Variants in MSH5 observed in about 807,000 individuals in gnomAD.
MSH5 encodes the protein mutS protein homolog 5.
A neutral mutation model predicts 107.7 loss-of-function variants in MSH5; 78 were observed. The ratio of observed to expected loss-of-function variants is 0.72; its 90% confidence interval spans 0.60 to 0.87. MSH5 has a LOEUF of 0.87. Ranked by LOEUF, MSH5 falls within the 40% of genes least tolerant of loss-of-function variation. The pLI is 0.00. For missense variants in MSH5, 889 were observed against 1,046.6 expected (o/e 0.85, Z 2.08); for synonymous variants, 326 against 399.5 (o/e 0.82, Z 2.19).
At chr6:31,745,361 C>A in intron 9 of MSH5, 42 bp downstream of exon 9, 2 of 1,402,308 alleles carry the variant, frequency 1.4e-6, no homozygotes, top group Non-Finnish European at 2.0e-6. Flanking sequence ...CAAAGACCTA[C>A]CAGAAAAGCA....
intron 9 of MSH5, among the ~76,000 whole-genome samples, chr6:31,745,765 G>GTTT (rs9279404): frequency 5.8e-5 from 7 of 120,974 alleles, no homozygotes; most frequent in Admixed American, 2.7e-4. Flanking sequence ...TTGTGTCCAG[G>GTTT]TTTTTTTTTT....
In MSH5 at chr6:31,758,677, T is replaced by C; in HGVS notation, c.1216+57T>C. 2 of 1,608,908 alleles carry C rather than the reference T, an allele frequency of 1.2e-6. No homozygotes were observed. The highest frequency in any genetic ancestry group is 1.7e-6 in the Non-Finnish European group (2 of 1,175,392). On this transcript the variant is annotated intron_variant, in intron 14 of 24. Coordinates refer to ENST00000375750, the MANE Select transcript of MSH5 (RefSeq NM_172166.4). The surrounding 1 kb of genome is among the most constrained non-coding windows in gnomAD (Gnocchi z 5.1). ...CCTGCGCAGTGATGGAGTACCATCC[T>C]TGGCAGGTGGTCACCACAGCTGGGG...
chr6:31,741,347 AC>A, intron 3 of MSH5, 61 bp downstream of exon 3: 1 of 662,070 alleles, frequency 1.5e-6, no homozygotes. Context: ...ACACACACAC[AC>A]ACACACACAC....
rs1192960691 is a variant in MSH5 at position 31,759,036 on chromosome 6, G to A, written c.1327-61G>A. ...GATCTTTTAAGCTCCCTCTAGGGTG[G>A]GGAGGTGTCCAGTAAGTCTCCAAGC... On this transcript the variant is annotated intron_variant, in intron 15 of 24. Coordinates refer to ENST00000375750, the MANE Select transcript of MSH5 (RefSeq NM_172166.4). This position sits in a 1 kb window ranked among gnomAD's most constrained non-coding sequence, Gnocchi z 4.7. 1.3e-6 allele frequency: 2 copies of A among 1,509,272 alleles called. No homozygotes were observed. The highest frequency in any genetic ancestry group is 9.2e-7 in the Non-Finnish European group (1 of 1,086,400). The allele number at this position is 1,509,272 out of a possible 1,614,324, so 93.5% of individuals were successfully genotyped here. A position where few individuals can be genotyped will look rare whatever the true frequency, so the allele number is the denominator to read the frequency against.
At position 31,759,073 on chromosome 6, in the gene MSH5, G is replaced by T. The variant is rs17207524; in HGVS notation, c.1327-24G>T. On this transcript the variant is annotated intron_variant, in intron 15 of 24. Transcript: ENST00000375750. This position sits in a 1 kb window ranked among gnomAD's most constrained non-coding sequence, Gnocchi z 4.7. The stretch of plus-strand genomic sequence containing the variant: ...GTAAGTCTCCAAGCAGGAGAGTAGA[G>T]TATCTCCTCTTTACTCTCCCCAGAT... 0.055 allele frequency: 87,992 copies of T among 1,597,818 alleles called. 2,952 individuals carry two copies. Among genetic ancestry groups the T allele is most frequent in the African/African-American group, 0.12 (8,856 of 74,658 alleles).
Position 31,759,079 on chromosome 6 carries a change from C to T in MSH5, c.1327-18C>T, listed in dbSNP as rs552998972. ...CTCCAAGCAGGAGAGTAGAGTATCTCCTCTTTACTCTCCCCAGATTGGCTT... is the reference window on the plus strand; with the variant it reads ...CTCCAAGCAGGAGAGTAGAGTATCTTCTCTTTACTCTCCCCAGATTGGCTT... On this transcript the variant is annotated intron_variant, in intron 15 of 24. Coordinates refer to ENST00000375750, the MANE Select transcript of MSH5 (RefSeq NM_172166.4). This position sits in a 1 kb window ranked among gnomAD's most constrained non-coding sequence, Gnocchi z 4.7. 2.9e-5 allele frequency: 47 copies of T among 1,598,430 alleles called. 2 individuals carry two copies. In the South Asian group the frequency reaches 4.8e-4, roughly 16 times the overall value.
Position 31,740,708 on chromosome 6 carries a change from C to G in MSH5, c.147+95C>G, listed in dbSNP as rs1808784218. 1 of 1,347,450 alleles carries G rather than the reference C, an allele frequency of 7.4e-7. No homozygotes were observed. Among genetic ancestry groups the G allele is most frequent in the South Asian group, 1.6e-5 (1 of 62,364 alleles). The allele number at this position is 1,347,450 out of a possible 1,614,324, so 83.5% of individuals were successfully genotyped here. A position where few individuals can be genotyped will look rare whatever the true frequency, so the allele number is the denominator to read the frequency against. ...GGGCGCGGTGGCTCACACCTGTAAT[C>G]TTAGCACTTTGGGAGACTGAGGCGG... On this transcript the variant is annotated intron_variant, in intron 2 of 24. Transcript: ENST00000375750. The surrounding 1 kb of genome is among the most constrained non-coding windows in gnomAD (Gnocchi z 4.4).
rs28381349 is a variant in MSH5, at chr6:31,741,268, C to T, written c.253C>T (p.Leu85Phe). The T allele has an allele frequency of 0.02, 32,278 of 1,612,082 alleles. 690 individuals are homozygous for T. Among genetic ancestry groups the T allele is most frequent in the African/African-American group, 0.068 (5,091 of 74,830 alleles). ...GCCAGATGCCCCAGACCACGAGAGC[C>T]TCAAGCTTCTCCAGAGAGGTGGGGA... ...FMPDAPDHES[L>F]KLLQRVLDEI... is the part of the protein sequence containing the mutation. The change falls in exon 3 of 25, where the codon CTC becomes TTC. Residue 85 changes from leucine (L) to phenylalanine (F), a missense_variant. Coordinates refer to ENST00000375750, the MANE Select transcript of MSH5 (RefSeq NM_172166.4).
intron 10 of MSH5, among the ~76,000 whole-genome samples, chr6:31,748,272 G>T (rs1161067591): frequency 6.6e-6 from 1 of 150,756 alleles, no homozygotes; most frequent in African/African-American, 2.4e-5. Context: ...ACCTTCTCAA[G>T]CCATGAACCT....
intron 12 of MSH5, 85 bp downstream of exon 12, chr6:31,753,714 T>G: frequency 2.4e-6 from 3 of 1,254,012 alleles, no homozygotes; most frequent in Non-Finnish European, 1.2e-6. Flanking sequence ...AGACATGCTG[T>G]CCAATTTTAT....
At chr6:31,750,786 A>G (rs901544055) in intron 10 of MSH5, among the ~76,000 whole-genome samples, 42 of 152,198 alleles carry the variant, frequency 2.8e-4, no homozygotes, top group African/African-American at 9.6e-4. Context: ...AACTGGCCAC[A>G]GACTGCAATG....
intron 9 of MSH5, among the ~76,000 whole-genome samples, chr6:31,747,158 C>T (rs1442104958): frequency 6.6e-6 from 1 of 152,176 alleles, no homozygotes; most frequent in Non-Finnish European, 1.5e-5. Context: ...GTGTATTTTT[C>T]TGGCTAAGTG....
At position 31,761,528 on chromosome 6, in the gene MSH5, C is replaced by T. The variant is rs1353735859; in HGVS notation, c.2094C>T (p.Pro698=). 2.5e-6 allele frequency: 4 copies of T among 1,613,890 alleles called. No homozygotes were observed. The highest frequency in any genetic ancestry group is 1.7e-5 in the Admixed American group (1 of 60,030). The change falls in exon 22 of 25, where the codon CCC becomes CCT. Residue 698 remains proline, a synonymous_variant. Transcript: ENST00000375750. This position sits in a 1 kb window ranked among gnomAD's most constrained non-coding sequence, Gnocchi z 5.3. The part of the protein sequence containing the change: ...AVLRHWLARG[P]TCPHIFVATN... ...TCCGACACTGGCTGGCACGTGGACC[C>T]ACATGCCCCCACATCTTTGTGGCCA...
rs764819567 is a variant in MSH5 at position 31,740,558 on chromosome 6, C to A, written c.92C>A (p.Pro31Gln). Residue 31 changes from proline to glutamine, a missense_variant, in exon 2 of 25, where the codon CCG becomes CAG. Pro to Gln is a moderately conservative substitution (Grantham distance 76, BLOSUM62 -1). Coordinates refer to ENST00000375750, the MANE Select transcript of MSH5 (RefSeq NM_172166.4). The surrounding 1 kb of genome is among the most constrained non-coding windows in gnomAD (Gnocchi z 4.4). ...SSGFPSPAPVPGPREAEEEEV... is the reference protein window; with the variant it reads ...SSGFPSPAPVQGPREAEEEEV... ...GGCTTCCCCAGCCCGGCCCCAGTGC[C>A]GGGCCCCAGGGAGGCCGAGGAGGAG... 3 of 1,524,778 alleles carry A rather than the reference C, an allele frequency of 2.0e-6. No individual in the cohort carries two copies. Among genetic ancestry groups the A allele is most frequent in the Non-Finnish European group, 2.6e-6 (3 of 1,137,842 alleles). 94.5% of individuals were successfully genotyped at this position (1,524,778 alleles called of 1,614,324 possible).
In MSH5 at chr6:31,759,596, G is replaced by A. The variant is rs1170764298; in HGVS notation, c.1495+84G>A. ...GGGAAGGAGGGGAGTGGGCAACTTGGGGATGCTTCCAACAGGCCCCTCCTC... is the reference window on the plus strand; with the variant it reads ...GGGAAGGAGGGGAGTGGGCAACTTGAGGATGCTTCCAACAGGCCCCTCCTC... On this transcript the variant is annotated intron_variant, in intron 17 of 24. Coordinates refer to ENST00000375750, the MANE Select transcript of MSH5 (RefSeq NM_172166.4). This position sits in a 1 kb window ranked among gnomAD's most constrained non-coding sequence, Gnocchi z 4.7. 4.1e-6 allele frequency: 6 copies of A among 1,472,386 alleles called. No individual in the cohort carries two copies. Among genetic ancestry groups the A allele is most frequent in the South Asian group, 1.2e-5 (1 of 86,282 alleles). The allele number at this position is 1,472,386 out of a possible 1,614,324, so 91.2% of individuals were successfully genotyped here. A position where few individuals can be genotyped will look rare whatever the true frequency, so the allele number is the denominator to read the frequency against.
Position 31,740,503 on chromosome 6 carries a change from C to A in MSH5, c.37C>A (p.Gln13Lys). 1 of 1,567,652 alleles carries A rather than the reference C, an allele frequency of 6.4e-7. No individual in the cohort carries two copies. The highest frequency in any genetic ancestry group is 1.2e-5 in the South Asian group (1 of 85,424). ...AGGAGCGAACCCAAGGAGGACACCG[C>A]AGGGACCGAGACCTGGGGCGGCCTC... ...SLGANPRRTP[Q>K]GPRPGAASSG... Residue 13 changes from glutamine (Q) to lysine (K), a missense_variant, in exon 2 of 25, where the codon CAG (glutamine) becomes AAG (lysine). Gln to Lys is a moderately conservative substitution (Grantham distance 53). Coordinates refer to ENST00000375750, the MANE Select transcript of MSH5 (RefSeq NM_172166.4). This position sits in a 1 kb window ranked among gnomAD's most constrained non-coding sequence, Gnocchi z 4.4.
In MSH5 at chr6:31,743,202, C is replaced by T. The variant is rs373384661; in HGVS notation, c.415+32C>T. ...CCTTCCTTTTGCTTTGCCTAACTCC[C>T]TGTTCCGGTGTCCCATTCTTTCCCC... On this transcript the variant is annotated intron_variant, in intron 5 of 24. Transcript: ENST00000375750. 4.9e-5 allele frequency: 78 copies of T among 1,604,190 alleles called. No homozygotes were observed. In the African/African-American group the frequency reaches 7.5e-4, roughly 15 times the overall value.
chr6:31,756,029 G>A (rs2151369954), intron 12 of MSH5, among the ~76,000 whole-genome samples: 1 of 150,656 alleles, frequency 6.6e-6, no homozygotes, highest in African/African-American at 2.4e-5. Flanking sequence ...AGTTCTAGAA[G>A]CATGATTAGG....
Position 31,758,173 on chromosome 6 carries a change from C to G in MSH5, c.1023C>G (p.Tyr341Ter). 1 of 1,613,084 alleles carries G rather than the reference C, an allele frequency of 6.2e-7. No homozygotes were observed. Among genetic ancestry groups the G allele is most frequent in the Admixed American group, 1.7e-5 (1 of 60,018 alleles). The stretch of plus-strand genomic sequence containing the variant: ...TTGTGTTTCTCTCACAGACTGTGTA[C>G]AGTGCCCTGGGCCTGAGGGATGCCT... ...SDWQVLYKTV[Y>*]SALGLRDACR... The change falls in exon 13 of 25, where the codon TAC (tyrosine) becomes TAG (stop). Residue 341 changes from tyrosine (Y) to a stop codon, truncating the protein, a stop_gained. Transcript: ENST00000375750. LOFTEE classifies it high-confidence loss of function. The surrounding 1 kb of genome is among the most constrained non-coding windows in gnomAD (Gnocchi z 5.1).
Sources: allele counts gnomAD v4.1 joint callset (sites outside exome capture counted in the v4.1 genomes callset), GRCh38; gene constraint gnomAD v4.1.1; non-coding constraint Gnocchi (gnomAD v3.1); transcripts MANE v1.5; gene names NCBI Gene and HGNC (gene_info 2026-07-23, HGNC 2026-07-21).